The following PCM1 variants were observed in gnomAD, a reference collection of about 807,000 sequenced individuals.
PCM1 encodes the protein pericentriolar material 1, also known as pericentriolar material 1 protein.
A neutral mutation model predicts 241.9 loss-of-function variants in PCM1; 157 were observed. That is an observed-to-expected ratio of 0.65 (90% CI 0.57 to 0.74). The LOEUF (loss-of-function observed/expected upper bound fraction) is 0.74, where lower values mean the gene tolerates loss of function less well. Ranked by LOEUF, PCM1 falls within the 30% of genes least tolerant of loss-of-function variation. PCM1 has a pLI of 0.00. For missense variants in PCM1, 3,478 were observed against 2,360.1 expected (o/e 1.47, Z -9.81); for synonymous variants, 1,085 against 784.9 (o/e 1.38, Z -6.39).
intron 24 of PCM1, among the ~76,000 whole-genome samples, chr8:17,984,190 T>C (rs2081868755): frequency 6.6e-6 from 1 of 152,112 alleles, no homozygotes; most frequent in African/African-American, 2.4e-5. Context: ...TTTTATCACA[T>C]ACAGAGGTAT....
At chr8:17,984,988 T>A (rs1298669595) in intron 24 of PCM1, among the ~76,000 whole-genome samples, 1 of 151,956 alleles carries the variant, frequency 6.6e-6, no homozygotes, top group East Asian at 1.9e-4. Context: ...GACCTTAATC[T>A]AGTAGCTTTC....
rs1197555508 is a variant in PCM1 at position 17,938,904 on chromosome 8, A to C, written c.507A>C (p.Ala169=). 29 of 1,613,634 alleles carry C rather than the reference A, an allele frequency of 1.8e-5. No homozygotes were observed. The highest frequency in any genetic ancestry group is 2.4e-5 in the Non-Finnish European group (28 of 1,179,656). The change falls in exon 5 of 39, where the codon GCA becomes GCC. Residue 169 remains alanine (A), a synonymous_variant. Transcript: ENST00000325083. ...CAAACAGAGAAACGATTGGATCAGCACAGTGTAAAGAGTTGTTTGCTTCTG... is the reference window on the plus strand; with the variant it reads ...CAAACAGAGAAACGATTGGATCAGCCCAGTGTAAAGAGTTGTTTGCTTCTG... ...NPPNRETIGS[A]QCKELFASAL...
intron 16 of PCM1, among the ~76,000 whole-genome samples, chr8:17,962,680 C>T (rs1201450171): frequency 6.6e-6 from 1 of 152,032 alleles, no homozygotes; most frequent in Non-Finnish European, 1.5e-5. Context: ...GTGGGCAGAT[C>T]ATGAGGTCAG....
intron 6 of PCM1, among the ~76,000 whole-genome samples, chr8:17,946,411 T>A (rs116964258): frequency 0.017 from 2,572 of 152,334 alleles, 41 homozygotes; most frequent in South Asian, 0.043. Context: ...TTTTAAAATT[T>A]CAGTCCTTTG....
At chr8:18,009,827 T>A in intron 31 of PCM1, 83 bp downstream of exon 31, 1 of 874,048 alleles carries the variant, frequency 1.1e-6, no homozygotes. Flanking sequence ...AAATCACATT[T>A]TACCTCAGCA....
At chr8:17,977,281 T>A (rs2079107127) in intron 23 of PCM1, among the ~76,000 whole-genome samples, 1 of 152,158 alleles carries the variant, frequency 6.6e-6, no homozygotes, top group Non-Finnish European at 1.5e-5. Context: ...TTCAGTAAAT[T>A]TCATGCAGAC....
At chr8:17,977,959 C>T (rs2079336165) in intron 23 of PCM1, among the ~76,000 whole-genome samples, 1 of 151,982 alleles carries the variant, frequency 6.6e-6, no homozygotes, top group East Asian at 1.9e-4. Context: ...ACCTAGTTAC[C>T]AGGGAGAAAA....
chr8:17,926,121 G>A (rs2056851432), intron 2 of PCM1: 1 of 151,980 alleles, frequency 6.6e-6, no homozygotes, highest in African/African-American at 2.4e-5. Flanking sequence ...TGTATGGTGG[G>A]CTTTAGTAAA....
rs766002451 is a variant in PCM1, at chr8:17,964,607, A to T, written c.2694A>T (p.Leu898=). The T allele has an allele frequency of 6.2e-7, 1 of 1,613,926 alleles. No homozygotes were observed. Among genetic ancestry groups the T allele is most frequent in the East Asian group, 2.2e-5 (1 of 44,866 alleles). Reference sequence around the variant, plus strand: ...GGGGAGGGTCTACCCAGTGTGCACTAGATGAAGAAGGAGATGAAGACGGTT... The same window carrying T: ...GGGGAGGGTCTACCCAGTGTGCACTTGATGAAGAAGGAGATGAAGACGGTT... ...ATWGGSTQCA[L]DEEGDEDGYL... Residue 898 remains leucine, a synonymous_variant, in exon 18 of 39, where the codon CTA becomes CTT. Coordinates refer to ENST00000325083, the MANE Select transcript of PCM1 (RefSeq NM_006197.4).
intron 36 of PCM1, among the ~76,000 whole-genome samples, chr8:18,015,257 A>AC (rs2093019665): frequency 6.6e-6 from 1 of 152,038 alleles, no homozygotes; most frequent in South Asian, 2.1e-4. Context: ...ATGATAAAAA[A>AC]AAAAAAAACT....
At position 17,923,183 on chromosome 8, in the gene PCM1, G is replaced by A. The variant is rs111977946; in HGVS notation, c.-96G>A. The A allele has an allele frequency of 1.3e-5, 2 of 152,448 alleles. No homozygotes were observed. The highest frequency in any genetic ancestry group is 6.5e-5 in the Admixed American group (1 of 15,292). 9.4% of individuals were successfully genotyped at this position (152,448 alleles called of 1,614,324 possible). On this transcript the variant is annotated 5_prime_UTR_variant, in exon 1 of 39. Coordinates refer to ENST00000325083, the MANE Select transcript of PCM1 (RefSeq NM_006197.4). ...CCTTTGACAGGAGAGGCTGCTTCTTGTAGAGGTAATGCCTGCGCGTCCCCA... is the reference window on the plus strand; with the variant it reads ...CCTTTGACAGGAGAGGCTGCTTCTTATAGAGGTAATGCCTGCGCGTCCCCA...
chr8:17,945,674 AT>A (rs2063524912), intron 6 of PCM1, among the ~76,000 whole-genome samples: 1 of 152,138 alleles, frequency 6.6e-6, no homozygotes, highest in Non-Finnish European at 1.5e-5. Flanking sequence ...AGGTAAAGAA[AT>A]TTTTATATAG....
chr8:17,951,279 C>A (rs556914546), intron 8 of PCM1, among the ~76,000 whole-genome samples: 1 of 152,262 alleles, frequency 6.6e-6, no homozygotes, highest in Admixed American at 6.5e-5. Flanking sequence ...TAATGCCTCT[C>A]CATTGGAAGT....
intron 6 of PCM1, among the ~76,000 whole-genome samples, chr8:17,941,373 A>G (rs934285059): frequency 3.9e-5 from 6 of 152,210 alleles, no homozygotes; most frequent in African/African-American, 1.4e-4. Context: ...CATGTAGCAG[A>G]GTAAATGTTA....
At chr8:17,926,788 G>C (rs1157544622) in intron 2 of PCM1, 2 of 152,198 alleles carry the variant, frequency 1.3e-5, no homozygotes, top group East Asian at 3.9e-4. Flanking sequence ...ATTCAGGAAG[G>C]CTAAGAGCAG....
At chr8:18,013,748 CTGTGTG>C in intron 34 of PCM1, 2 of 426,168 alleles carry the variant, frequency 4.7e-6, no homozygotes, top group Non-Finnish European at 4.2e-6. Context: ...TTGTATTATA[CTGTGTG>C]TGTGTGTTTT....
At chr8:17,925,585 C>G (rs2056608610) in intron 2 of PCM1, 1 of 152,100 alleles carries the variant, frequency 6.6e-6, no homozygotes, top group African/African-American at 2.4e-5. Flanking sequence ...GCCTGTAATC[C>G]CAGCACTTTG....
intron 6 of PCM1, 49 bp from the exon 7 acceptor site, chr8:17,947,137 A>T: frequency 8.2e-7 from 1 of 1,219,912 alleles, no homozygotes; most frequent in Non-Finnish European, 1.2e-6. Flanking sequence ...TGAAACCGCA[A>T]CATGGATTTT....
intron 1 of PCM1, among the ~76,000 whole-genome samples, 181 bp downstream of exon 1, chr8:17,923,369 C>G (rs537564903): frequency 6.6e-6 from 1 of 152,222 alleles, no homozygotes; most frequent in South Asian, 2.1e-4. Context: ...TCCGCCCGCT[C>G]CCTCAGGACT....
Sources: gnomAD v4.1 joint callset for allele counts (sites outside exome capture counted in the v4.1 genomes callset) on GRCh38, gnomAD v4.1.1 for gene constraint, MANE v1.5 for transcripts, NCBI Gene and HGNC (gene_info 2026-07-23, HGNC 2026-07-21) for gene names.